AFF2: variants seen among roughly 807,000 people sequenced by gnomAD.
AFF2 encodes the protein ALF transcription elongation factor 2, also known as AF4/FMR2 family member 2.
AFF2 carries 14 observed loss-of-function variants against 76.9 expected under a neutral mutation model. That is an observed-to-expected ratio of 0.18 (90% CI 0.12 to 0.28). AFF2 has a LOEUF of 0.28. Ranked by LOEUF, AFF2 falls within the 10% of genes least tolerant of loss-of-function variation. The pLI, the probability that AFF2 is intolerant of heterozygous loss-of-function variation, is 1.00. For missense variants in AFF2, 868 were observed against 1,001.1 expected (o/e 0.87, Z 1.79); for synonymous variants, 398 against 366.7 (o/e 1.09, Z -0.98).
chrX:148,784,881 T>C lies in AFF2; in HGVS notation c.1042-24995T>C, dbSNP rs781971017. ...GCTCCCAAACGGCTCACTGTCTCCA[T>C]GCACGGGCTGCCCCTCTCGGAGACA... On this transcript the variant is annotated intron_variant, in intron 3 of 20. Coordinates refer to ENST00000370460, the MANE Select transcript of AFF2 (RefSeq NM_002025.4). Among the ~76,000 whole-genome samples the C allele has an allele frequency of 4.1e-4, 46 of 111,414 alleles. 1 individual carries two copies. The highest frequency in any genetic ancestry group is 1.2e-3 in the South Asian group (3 of 2,569).
At chrX:148,875,885 A>G (rs2071030414) in intron 7 of AFF2, among the ~76,000 whole-genome samples, 1 of 111,608 alleles carries the variant, frequency 9.0e-6, no homozygotes, top group African/African-American at 3.3e-5. Flanking sequence ...TACTAGATTA[A>G]TATTTGATGA....
In AFF2 at chrX:149,000,075, GA is replaced by G. The variant is rs1557294036; in HGVS notation, c.*8747del. ...GAACAGCCTGCCTGGCTCCTATGAA[GA>G]AAACTTCCTGACGTCCTGTCCCCAA... On this transcript the variant is annotated 3_prime_UTR_variant, in exon 21 of 21. Coordinates refer to ENST00000370460, the MANE Select transcript of AFF2 (RefSeq NM_002025.4). 8.9e-6 allele frequency: 1 copy of G among 111,928 alleles called. No homozygotes were observed. The highest frequency in any genetic ancestry group is 3.2e-5 in the African/African-American group (1 of 30,786). The allele number at this position is 111,928 out of a possible 1,213,427, so 9.2% of individuals were successfully genotyped here. A position where few individuals can be genotyped will look rare whatever the true frequency, so the allele number is the denominator to read the frequency against.
chrX:148,594,174 A>G (rs1557246995), intron 1 of AFF2, among the ~76,000 whole-genome samples: 1 of 110,218 alleles, frequency 9.1e-6, no homozygotes. Flanking sequence ...GCGGCTAAGC[A>G]TTTGTGGGCT....
intron 3 of AFF2, among the ~76,000 whole-genome samples, chrX:148,781,890 TCTGGG>T (rs1175567737): frequency 9.0e-6 from 1 of 111,513 alleles, no homozygotes; most frequent in African/African-American, 3.3e-5. Context: ...AAGCATAGTA[TCTGGG>T]CTGGATAGCA....
In AFF2 at chrX:148,776,719, A is replaced by G. The variant is rs781845720; in HGVS notation, c.1042-33157A>G. ...TTGATGGGGTTGTTTTTTTTTCTCAAAACTTGTTTAAGTTCCTTGTAGATT... is the reference window on the plus strand; with the variant it reads ...TTGATGGGGTTGTTTTTTTTTCTCAGAACTTGTTTAAGTTCCTTGTAGATT... On this transcript the variant is annotated intron_variant, in intron 3 of 20. Transcript: ENST00000370460. 8.9e-4 allele frequency among the ~76,000 whole-genome samples: 99 copies of G among 110,942 alleles called. No homozygotes were observed. In the South Asian group the frequency reaches 0.033, roughly 37 times the overall value.
chrX:148,648,561 C>CAAAAAAAAAA (rs1241628949), intron 1 of AFF2, among the ~76,000 whole-genome samples: 1 of 23,057 alleles, frequency 4.3e-5, no homozygotes, highest in African/African-American at 1.4e-4. Context: ...AAAACTCCGT[C>CAAAAAAAAAA]AAAAAAAAAA....
intron 1 of AFF2, among the ~76,000 whole-genome samples, chrX:148,636,796 G>T (rs1174917039): frequency 3.9e-5 from 4 of 102,626 alleles, no homozygotes; most frequent in African/African-American, 1.4e-4. Context: ...TCCACCTATT[G>T]TAAGTACCTT....
At chrX:148,726,258 C>A (rs1477263027) in intron 3 of AFF2, among the ~76,000 whole-genome samples, 11 of 111,962 alleles carry the variant, frequency 9.8e-5, no homozygotes, top group Admixed American at 9.4e-4. Context: ...CAGGAAAATC[C>A]ATTTGAGACT....
At chrX:148,941,852 T>TA (rs782608257) in intron 9 of AFF2, among the ~76,000 whole-genome samples, 2 of 111,639 alleles carry the variant, frequency 1.8e-5, no homozygotes, top group Non-Finnish European at 3.8e-5. Flanking sequence ...CTTCTGTTGA[T>TA]ACACATTTCA....
intron 8 of AFF2, among the ~76,000 whole-genome samples, chrX:148,888,712 A>G (rs1557279386): frequency 8.9e-6 from 1 of 111,805 alleles, no homozygotes; most frequent in Admixed American, 9.5e-5. Flanking sequence ...CATTTTTGGA[A>G]CCACTCTTGC....
chrX:148,919,771 TA>T (rs782321021), intron 9 of AFF2, among the ~76,000 whole-genome samples: 1 of 110,738 alleles, frequency 9.0e-6, no homozygotes, highest in Non-Finnish European at 1.9e-5. Flanking sequence ...ATACCCTTAA[TA>T]AAAAAAAGAA....
chrX:148,909,589 C>A (rs2124224396), intron 9 of AFF2, among the ~76,000 whole-genome samples: 1 of 111,965 alleles, frequency 8.9e-6, no homozygotes, highest in African/African-American at 3.2e-5. Context: ...AAGTATATGC[C>A]TAGTGAATGT....
chrX:148,741,587 T>G (rs976509795), intron 3 of AFF2, among the ~76,000 whole-genome samples: 1 of 111,146 alleles, frequency 9.0e-6, no homozygotes, highest in South Asian at 3.8e-4. Context: ...AGAAAAGGGC[T>G]TTTTAGTTCT....
intron 9 of AFF2, among the ~76,000 whole-genome samples, chrX:148,931,601 A>G (rs1244484365): frequency 8.9e-6 from 1 of 112,586 alleles, no homozygotes; most frequent in Non-Finnish European, 1.9e-5. Flanking sequence ...TAATGTTAGA[A>G]AGACAAAAGC....
At chrX:148,578,585 A>T (rs183287237) in intron 1 of AFF2, among the ~76,000 whole-genome samples, 180 of 112,135 alleles carry the variant, frequency 1.6e-3, no homozygotes, top group Non-Finnish European at 1.5e-3. Context: ...TGTTCATCAC[A>T]TAGTAGGTGC....
chrX:148,588,449 G>A (rs782066309), intron 1 of AFF2, among the ~76,000 whole-genome samples: 2 of 112,467 alleles, frequency 1.8e-5, no homozygotes, highest in East Asian at 5.6e-4. Flanking sequence ...GGGCAGAGAC[G>A]GGACTGATTC....
intron 14 of AFF2, 79 bp from the exon 15 acceptor site, chrX:148,967,550 C>A: frequency 1.1e-6 from 1 of 932,695 alleles, no homozygotes; most frequent in Admixed American, 2.4e-5. Context: ...AAATTTATAG[C>A]AGAAAAGGTT....
At chrX:148,587,140 C>T (rs889055707) in intron 1 of AFF2, among the ~76,000 whole-genome samples, 3 of 111,957 alleles carry the variant, frequency 2.7e-5, no homozygotes, top group African/African-American at 9.7e-5. Context: ...CTCCATTACT[C>T]TGCTGAGGAT....
intron 8 of AFF2, among the ~76,000 whole-genome samples, chrX:148,898,236 C>A (rs921504372): frequency 9.0e-6 from 1 of 111,707 alleles, no homozygotes; most frequent in African/African-American, 3.3e-5. Context: ...CAAGTAGTAC[C>A]TGCTATTCAG....
Sources: gnomAD v4.1 joint callset for allele counts (sites outside exome capture counted in the v4.1 genomes callset) on GRCh38, gnomAD v4.1.1 for gene constraint, MANE v1.5 for transcripts, NCBI Gene and HGNC (gene_info 2026-07-23, HGNC 2026-07-21) for gene names.